CDYL2: variants seen among roughly 807,000 people sequenced by gnomAD.
The protein encoded by CDYL2 is chromodomain Y-like protein 2.
CDYL2 carries 23 observed loss-of-function variants against 49.4 expected under a neutral mutation model. The ratio of observed to expected loss-of-function variants is 0.47; its 90% confidence interval spans 0.34 to 0.66. The LOEUF (loss-of-function observed/expected upper bound fraction) is 0.66, where lower values mean the gene tolerates loss of function less well. CDYL2 is among the 30% of genes least tolerant of loss of function. The pLI is 0.01. For missense variants in CDYL2, 678 were observed against 656.4 expected (o/e 1.03, Z -0.36); for synonymous variants, 360 against 268.8 (o/e 1.34, Z -3.32).
At chr16:80,616,215 CCTCA>C (rs1906821120) in intron 4 of CDYL2, among the ~76,000 whole-genome samples, 1 of 152,188 alleles carries the variant, frequency 6.6e-6, no homozygotes, top group African/African-American at 2.4e-5. Flanking sequence ...GTCTCTGGAG[CCTCA>C]CTTTCTCCCT....
At chr16:80,634,167 T>C (rs1023391226) in intron 2 of CDYL2, among the ~76,000 whole-genome samples, 2 of 151,722 alleles carry the variant, frequency 1.3e-5, no homozygotes, top group African/African-American at 4.9e-5. Context: ...ATTGATCTTA[T>C]AAATCATGCT....
intron 2 of CDYL2, among the ~76,000 whole-genome samples, chr16:80,661,041 G>T (rs995740761): frequency 5.3e-5 from 8 of 152,104 alleles, no homozygotes; most frequent in Non-Finnish European, 1.2e-4. Flanking sequence ...CAGACCGTAG[G>T]GCACTTCTAC....
intron 1 of CDYL2, among the ~76,000 whole-genome samples, chr16:80,705,527 C>T (rs746701183): frequency 3.7e-4 from 57 of 152,368 alleles, no homozygotes; most frequent in Non-Finnish European, 7.2e-4. Flanking sequence ...GGAACGCAGG[C>T]AGGTCCCCTG....
At chr16:80,758,612 C>A (rs182198294) in intron 1 of CDYL2, among the ~76,000 whole-genome samples, 2 of 149,402 alleles carry the variant, frequency 1.3e-5, no homozygotes, top group Admixed American at 6.7e-5. Flanking sequence ...GCACGATCTC[C>A]GCTCACTGCA....
chr16:80,682,597 C>T (rs1229377482), intron 2 of CDYL2, among the ~76,000 whole-genome samples: 2 of 152,212 alleles, frequency 1.3e-5, no homozygotes, highest in Admixed American at 1.3e-4. Flanking sequence ...AGCAAATCTT[C>T]CTCCCTCATG....
At chr16:80,780,676 T>C (rs1309400612) in intron 1 of CDYL2, among the ~76,000 whole-genome samples, 1 of 152,086 alleles carries the variant, frequency 6.6e-6, no homozygotes, top group African/African-American at 2.4e-5. Context: ...AAGTGCTGGA[T>C]TACAGGTGTG....
intron 1 of CDYL2, among the ~76,000 whole-genome samples, chr16:80,789,035 AATC>A (rs1242571356): frequency 1.3e-5 from 2 of 152,314 alleles, no homozygotes; most frequent in Admixed American, 6.5e-5. Flanking sequence ...CAACATCACT[AATC>A]ATCAGAGAAT....
rs908229294 is a variant in CDYL2, at chr16:80,670,972, A to C, written c.616+13566T>G. On this transcript the variant is annotated intron_variant, in intron 2 of 6. Transcript: ENST00000570137. Reference sequence around the variant, plus strand: ...CTGGAATAACATGAATATCTAAAGAAGGCTGCCTCAGGATTTTGTCTCCTG... The same window carrying C: ...CTGGAATAACATGAATATCTAAAGACGGCTGCCTCAGGATTTTGTCTCCTG... 3 of 456,046 alleles carry C rather than the reference A, an allele frequency of 6.6e-6. No homozygotes were observed. The Admixed American group carries it at 7.0e-5, about 11-fold the overall frequency. 28.2% of individuals were successfully genotyped at this position (456,046 alleles called of 1,614,324 possible).
intron 1 of CDYL2, among the ~76,000 whole-genome samples, chr16:80,723,505 C>G (rs1020752747): frequency 6.6e-6 from 1 of 152,178 alleles, no homozygotes; most frequent in East Asian, 1.9e-4. Context: ...CAGCCTCACC[C>G]AAGAGCCACC....
rs1436206752 is a variant in CDYL2, at chr16:80,599,074, G to A, written c.*5314C>T. On this transcript the variant is annotated 3_prime_UTR_variant, in exon 7 of 7. Transcript: ENST00000570137. ...TCAGCTTCAAGAGCTCCAGCATCAG[G>A]CTAGATATAAGAGCTCCAGCATCAG... 2 of 151,632 alleles carry A rather than the reference G, an allele frequency of 1.3e-5. No homozygotes were observed. The highest frequency in any genetic ancestry group is 2.9e-5 in the Non-Finnish European group (2 of 67,996). 9.4% of individuals were successfully genotyped at this position (151,632 alleles called of 1,614,324 possible).
At chr16:80,609,471 G>C (rs1277370000) in intron 5 of CDYL2, among the ~76,000 whole-genome samples, 2 of 152,214 alleles carry the variant, frequency 1.3e-5, no homozygotes, top group Non-Finnish European at 2.9e-5. Flanking sequence ...CGCCAGAGTA[G>C]AGGGCAATCT....
chr16:80,726,608 G>A (rs973450517), intron 1 of CDYL2, among the ~76,000 whole-genome samples: 2 of 152,110 alleles, frequency 1.3e-5, no homozygotes, highest in African/African-American at 4.8e-5. Flanking sequence ...CAAAGAAAGA[G>A]ATGAATAATA....
intron 2 of CDYL2, among the ~76,000 whole-genome samples, chr16:80,658,024 A>G (rs529430171): frequency 2.6e-5 from 4 of 152,222 alleles, no homozygotes; most frequent in African/African-American, 9.6e-5. Context: ...ACATTCCAAT[A>G]AAGAGAAGAA....
chr16:80,737,050 G>A (rs1205048803), intron 1 of CDYL2, among the ~76,000 whole-genome samples: 3 of 152,176 alleles, frequency 2.0e-5, no homozygotes, highest in Non-Finnish European at 4.4e-5. Flanking sequence ...GAGAAGACAA[G>A]GAAAGAGAAT....
chr16:80,804,243 G>T lies in CDYL2; in HGVS notation c.-70C>A. On this transcript the variant is annotated 5_prime_UTR_variant, in exon 1 of 7. Coordinates refer to ENST00000570137, the MANE Select transcript of CDYL2 (RefSeq NM_152342.4). ...TCGCGCCCTCCGTGCGTGTGCGCGC[G>T]GGGTCCGGTGTGCGCGTGTGTGTGC... 1 of 1,302,306 alleles carries T rather than the reference G, an allele frequency of 7.7e-7. No homozygotes were observed. Among genetic ancestry groups the T allele is most frequent in the Middle Eastern group, 2.1e-4 (1 of 4,866 alleles). The allele number at this position is 1,302,306 out of a possible 1,614,324, so 80.7% of individuals were successfully genotyped here. A position where few individuals can be genotyped will look rare whatever the true frequency, so the allele number is the denominator to read the frequency against.
chr16:80,653,801 C>A (rs1034973343), intron 2 of CDYL2, among the ~76,000 whole-genome samples: 71 of 152,182 alleles, frequency 4.7e-4, no homozygotes, highest in African/African-American at 1.6e-3. Flanking sequence ...GACATGCAGG[C>A]AAGCTTGAGA....
chr16:80,725,045 C>A (rs1281470305), intron 1 of CDYL2, among the ~76,000 whole-genome samples: 8 of 152,156 alleles, frequency 5.3e-5, no homozygotes, highest in African/African-American at 1.9e-4. Flanking sequence ...ACTCCTGGAC[C>A]ACACTTCAAC....
chr16:80,734,436 A>C (rs1905443977), intron 1 of CDYL2, among the ~76,000 whole-genome samples: 1 of 152,134 alleles, frequency 6.6e-6, no homozygotes, highest in Non-Finnish European at 1.5e-5. Context: ...ACTAAAGACT[A>C]ATGCATTGAG....
chr16:80,654,065 T>C (rs1908701157), intron 2 of CDYL2, among the ~76,000 whole-genome samples: 1 of 152,194 alleles, frequency 6.6e-6, no homozygotes, highest in African/African-American at 2.4e-5. Context: ...AGTGAGTGAC[T>C]GCCCCGTGCA....
Sources: gnomAD v4.1 joint callset for allele counts (sites outside exome capture counted in the v4.1 genomes callset) on GRCh38, gnomAD v4.1.1 for gene constraint, MANE v1.5 for transcripts, NCBI Gene and HGNC (gene_info 2026-07-23, HGNC 2026-07-21) for gene names.